EPHA5: variants seen among roughly 807,000 people sequenced by gnomAD.
EPHA5 encodes the protein ephrin type-A receptor 5.
In EPHA5, 60 loss-of-function variants were observed where a neutral mutation model predicts 105.0. The ratio of observed to expected loss-of-function variants is 0.57; its 90% CI spans 0.46 to 0.71. The LOEUF (loss-of-function observed/expected upper bound fraction) is 0.71. Among genes scored for constraint, EPHA5 ranks in the 30% least tolerant of loss-of-function variants. EPHA5 has a pLI of 0.00. For missense variants in EPHA5, 1,218 were observed against 1,274.7 expected (o/e 0.96, Z 0.68); for synonymous variants, 513 against 449.1 (o/e 1.14, Z -1.80).
At chr4:65,669,313 G>T in intron 1 of EPHA5, 3 of 859,948 alleles carry the variant, frequency 3.5e-6, no homozygotes, top group Non-Finnish European at 4.2e-6. Flanking sequence ...CACCTTCCCA[G>T]CCCCCCAACC....
At position 65,362,996 on chromosome 4, in the gene EPHA5, A is replaced by T. The variant is rs1717482685; in HGVS notation, c.2173+2021T>A. Among the ~76,000 whole-genome samples, 5 of 151,762 alleles carry T rather than the reference A, an allele frequency of 3.3e-5. No individual in the cohort carries two copies. In the South Asian group the frequency reaches 1.0e-3, roughly 31 times the overall value. On this transcript the variant is annotated intron_variant, in intron 11 of 16. Coordinates refer to ENST00000613740, the MANE Select transcript of EPHA5 (RefSeq NM_001281766.3). ...ATGTACGCATAGTGTTCAAAAGAAG[A>T]AATTACTTCAGGACAAAGTGGAAGG...
At chr4:65,581,209 T>C (rs1487867198) in intron 3 of EPHA5, among the ~76,000 whole-genome samples, 1 of 151,826 alleles carries the variant, frequency 6.6e-6, no homozygotes, top group Admixed American at 6.6e-5. Context: ...TTGTTCTTTG[T>C]TGAAGATGCT....
chr4:65,517,227 A>G (rs1396676607), intron 3 of EPHA5, among the ~76,000 whole-genome samples: 7 of 151,940 alleles, frequency 4.6e-5, no homozygotes, highest in Non-Finnish European at 7.4e-5. Context: ...ACTTTATTTT[A>G]ACTGATACTC....
intron 3 of EPHA5, among the ~76,000 whole-genome samples, chr4:65,579,203 G>T (rs1313068515): frequency 6.6e-6 from 1 of 151,160 alleles, no homozygotes; most frequent in Non-Finnish European, 1.5e-5. Flanking sequence ...TAAGCAATTT[G>T]CCATGAGAAT....
At chr4:65,559,461 C>T (rs561384000) in intron 3 of EPHA5, among the ~76,000 whole-genome samples, 1 of 152,266 alleles carries the variant, frequency 6.6e-6, no homozygotes, top group South Asian at 2.1e-4. Context: ...GAAGGAGCTC[C>T]TCTTGGGCAG....
rs1389846414 is a variant in EPHA5 at position 65,502,440 on chromosome 4, G to A, written c.911-6897C>T. ...AATATATAGCCCCATTAAAAAGCAGGCAAAATACATGAACAAACACTTCTC... is the reference window on the plus strand; with the variant it reads ...AATATATAGCCCCATTAAAAAGCAGACAAAATACATGAACAAACACTTCTC... On this transcript the variant is annotated intron_variant, in intron 3 of 16. Coordinates refer to ENST00000613740, the MANE Select transcript of EPHA5 (RefSeq NM_001281766.3). Among the ~76,000 whole-genome samples, 9 of 150,950 alleles carry A rather than the reference G, an allele frequency of 6.0e-5. No homozygotes were observed. In the South Asian group the frequency reaches 1.2e-3, roughly 21 times the overall value.
chr4:65,450,917 C>T (rs900342436), intron 5 of EPHA5, among the ~76,000 whole-genome samples: 5 of 152,120 alleles, frequency 3.3e-5, no homozygotes, highest in Non-Finnish European at 5.9e-5. Flanking sequence ...ATGAGTAGTA[C>T]TTTGCCTCTT....
chr4:65,377,493 G>T (rs1274344797), intron 8 of EPHA5, among the ~76,000 whole-genome samples: 2 of 151,778 alleles, frequency 1.3e-5, no homozygotes, highest in African/African-American at 4.8e-5. Flanking sequence ...AGAGTATAAA[G>T]ACTTTCTCAT....
chr4:65,330,904 C>T (rs7688941), intron 16 of EPHA5: 14 of 1,037,116 alleles, frequency 1.3e-5, no homozygotes, highest in Middle Eastern at 4.4e-4. Context: ...TTTTAGTTAT[C>T]GGTATGAAGG....
At chr4:65,397,911 C>G (rs1371726441) in intron 8 of EPHA5, among the ~76,000 whole-genome samples, 1 of 152,112 alleles carries the variant, frequency 6.6e-6, no homozygotes, top group Non-Finnish European at 1.5e-5. Flanking sequence ...GGACTGATGG[C>G]AGTGGTGGCC....
At chr4:65,394,473 T>C (rs1308946096) in intron 8 of EPHA5, among the ~76,000 whole-genome samples, 1 of 152,172 alleles carries the variant, frequency 6.6e-6, no homozygotes, top group Non-Finnish European at 1.5e-5. Context: ...GATAAAAATC[T>C]CTATTATTTT....
chr4:65,384,387 A>G (rs1267086822), intron 8 of EPHA5, among the ~76,000 whole-genome samples: 1 of 151,986 alleles, frequency 6.6e-6, no homozygotes, highest in African/African-American at 2.4e-5. Context: ...GTCAAACCAT[A>G]ACCTTTGTAG....
chr4:65,513,374 G>GT (rs991613539), intron 3 of EPHA5, among the ~76,000 whole-genome samples: 1 of 151,746 alleles, frequency 6.6e-6, no homozygotes, highest in African/African-American at 2.4e-5. Flanking sequence ...AAGATTTGGG[G>GT]TTTTTTTGTT....
In EPHA5 at chr4:65,401,349, G is replaced by A. The variant is rs538102290; in HGVS notation, c.1793+3025C>T. ...AAAATTACAAAGTTTATTGCATTAA[G>A]TGAGATAGAAAAAGTCTTTCAAGAA... On this transcript the variant is annotated intron_variant, in intron 8 of 16. Coordinates refer to ENST00000613740, the MANE Select transcript of EPHA5 (RefSeq NM_001281766.3). Among the ~76,000 whole-genome samples the A allele has an allele frequency of 2.0e-5, 3 of 152,032 alleles. No individual in the cohort carries two copies. The South Asian group carries it at 6.2e-4, about 32-fold the overall frequency.
Position 65,435,037 on chromosome 4 carries a change from T to C in EPHA5, c.1403-14472A>G, listed in dbSNP as rs1725347074. On this transcript the variant is annotated intron_variant, in intron 5 of 16. Coordinates refer to ENST00000613740, the MANE Select transcript of EPHA5 (RefSeq NM_001281766.3). ...CATTGCCCTCTCTATGTGCAAATTA[T>C]GGTACACATAAGGATAGGAATTTGC... Among the ~76,000 whole-genome samples, 4 of 152,204 alleles carry C rather than the reference T, an allele frequency of 2.6e-5. No homozygotes were observed. The South Asian group carries it at 8.3e-4, about 32-fold the overall frequency.
intron 3 of EPHA5, among the ~76,000 whole-genome samples, chr4:65,513,269 G>GT (rs1350904191): frequency 6.6e-6 from 1 of 152,044 alleles, no homozygotes; most frequent in Admixed American, 6.6e-5. Context: ...GCAAGTTTTT[G>GT]TTTTTTCTAT....
At chr4:65,378,272 G>T (rs1377270286) in intron 8 of EPHA5, among the ~76,000 whole-genome samples, 2 of 151,686 alleles carry the variant, frequency 1.3e-5, no homozygotes, top group Admixed American at 6.6e-5. Flanking sequence ...TTTCCAATTT[G>T]TCTATTTATT....
chr4:65,577,913 A>G (rs1402141578), intron 3 of EPHA5, among the ~76,000 whole-genome samples: 1 of 152,146 alleles, frequency 6.6e-6, no homozygotes, highest in Admixed American at 6.5e-5. Context: ...TTGTCCCCAT[A>G]AACTCAGGAA....
At chr4:65,496,579 A>C (rs1392175139) in intron 3 of EPHA5, among the ~76,000 whole-genome samples, 2 of 151,368 alleles carry the variant, frequency 1.3e-5, no homozygotes, top group Non-Finnish European at 2.9e-5. Context: ...TTATGGCTGC[A>C]TAGTATTCCA....
Sources: allele counts gnomAD v4.1 joint callset (sites outside exome capture counted in the v4.1 genomes callset), GRCh38; gene constraint gnomAD v4.1.1; transcripts MANE v1.5; gene names NCBI Gene and HGNC (gene_info 2026-07-23, HGNC 2026-07-21).